GNL1: variants seen among roughly 807,000 people sequenced by gnomAD.
The protein encoded by GNL1 is G protein nucleolar 1.
In GNL1, 21 loss-of-function variants were observed where a neutral mutation model predicts 75.2. The observed-to-expected ratio is 0.28, with a 90% CI of 0.20 to 0.40. The LOEUF is 0.40. Among genes scored for constraint, GNL1 ranks in the 10% least tolerant of loss-of-function variants. The pLI, the probability that GNL1 is intolerant of heterozygous loss-of-function variation, is 1.00. For synonymous variants in GNL1, 287 were observed against 303.4 expected (o/e 0.95, Z 0.56); for missense variants, 579 against 775.0 (o/e 0.75, Z 3.00).
rs1185909827 is a variant in GNL1, at chr6:30,542,973, A to C, written c.*3099T>G. The C allele has an allele frequency of 9.8e-5, 15 of 152,406 alleles. No individual in the cohort carries two copies. Among genetic ancestry groups the C allele is most frequent in the Admixed American group, 2.6e-4 (4 of 15,282 alleles). 9.4% of individuals were successfully genotyped at this position (152,406 alleles called of 1,614,324 possible). A position where few individuals can be genotyped will look rare whatever the true frequency, so the allele number is the denominator to read the frequency against. ...TCTCCTTTGCACCCTCTGCCTCTGA[A>C]CAAGTTACAGTCTTCCAAAGTTGTC... is the stretch of plus-strand genomic sequence containing the variant. On this transcript the variant is annotated 3_prime_UTR_variant, in exon 12 of 12. Transcript: ENST00000376621. The surrounding 1 kb of genome is among the most constrained non-coding windows in gnomAD (Gnocchi z 4.5).
At position 30,555,668 on chromosome 6, in the gene GNL1, C is replaced by A. The variant is rs753172338; in HGVS notation, c.126G>T (p.Glu42Asp). The change falls in exon 2 of 12, where the codon GAG (glutamate) becomes GAT (aspartate). Residue 42 changes from glutamate (E) to aspartate (D), a missense_variant. Physicochemically the swap from Glu to Asp is conservative, Grantham distance 45. Coordinates refer to ENST00000376621, the MANE Select transcript of GNL1 (RefSeq NM_005275.5). This position sits in a 1 kb window ranked among gnomAD's most constrained non-coding sequence, Gnocchi z 4.3. ...AGGTGTCGGTCTGTTCCTCTCGCCG[C>A]TCCCGGCTCCCGCTGCGGCTGTTGG... Reference protein sequence around the residue: ...SSSNSRSGSRERREEQTDTSD... With the variant: ...SSSNSRSGSRDRREEQTDTSD... 1 of 1,613,986 alleles carries A rather than the reference C, an allele frequency of 6.2e-7. No homozygotes were observed. Among genetic ancestry groups the A allele is most frequent in the South Asian group, 1.1e-5 (1 of 91,092 alleles).
intron 8 of GNL1, among the ~76,000 whole-genome samples, chr6:30,551,659 G>A (rs555263189): frequency 2.0e-5 from 3 of 152,274 alleles, no homozygotes; most frequent in African/African-American, 7.2e-5. Flanking sequence ...ACTAATTCTT[G>A]CTGAGCTCCT....
At position 30,556,120 on chromosome 6, in the gene GNL1, C is replaced by G. The variant is rs777389445; in HGVS notation, c.73+11G>C. On this transcript the variant is annotated intron_variant, in intron 1 of 11. Coordinates refer to ENST00000376621, the MANE Select transcript of GNL1 (RefSeq NM_005275.5). The surrounding 1 kb of genome is among the most constrained non-coding windows in gnomAD (Gnocchi z 5.7). The stretch of plus-strand genomic sequence containing the variant: ...CCGAGCCCCGCCCCCTCCTCCCGCT[C>G]CCGCACTGACCTCTCTTCCGCTCCC... 1.9e-6 allele frequency: 3 copies of G among 1,599,572 alleles called. No individual in the cohort carries two copies. The highest frequency in any genetic ancestry group is 2.6e-6 in the Non-Finnish European group (3 of 1,176,158).
Position 30,545,824 on chromosome 6 carries a change from C to G in GNL1, c.*248G>C. 1.9e-6 allele frequency: 1 copy of G among 513,146 alleles called. No homozygotes were observed. The highest frequency in any genetic ancestry group is 3.4e-6 in the Non-Finnish European group (1 of 296,354). The allele number at this position is 513,146 out of a possible 1,614,324, so 31.8% of individuals were successfully genotyped here. A position where few individuals can be genotyped will look rare whatever the true frequency, so the allele number is the denominator to read the frequency against. ...GGGTAGAGGAAGCAGGTTTCAGAGA[C>G]TGAGAACCTACTAAACTCCTAAGAG... On this transcript the variant is annotated 3_prime_UTR_variant, in exon 12 of 12. Coordinates refer to ENST00000376621, the MANE Select transcript of GNL1 (RefSeq NM_005275.5).
At chr6:30,554,702 T>C (rs1800021248) in intron 4 of GNL1, 56 bp from the exon 5 acceptor site, 1 of 1,599,834 alleles carries the variant, frequency 6.3e-7, no homozygotes, top group African/African-American at 1.3e-5. Context: ...TCCAGCCTGA[T>C]CCCAAACCAA....
chr6:30,555,806 T>C lies in GNL1; in HGVS notation c.74-86A>G. 1 of 1,387,412 alleles carries C rather than the reference T, an allele frequency of 7.2e-7. No homozygotes were observed. The highest frequency in any genetic ancestry group is 1.0e-6 in the Non-Finnish European group (1 of 998,834). 85.9% of individuals were successfully genotyped at this position (1,387,412 alleles called of 1,614,324 possible). A position where few individuals can be genotyped will look rare whatever the true frequency, so the allele number is the denominator to read the frequency against. Reference sequence around the variant, plus strand: ...CCCCCATCGGCCTGACTCCCTTTCATCCCACTCAACTTCTTCCGATGTTCA... The same window carrying C: ...CCCCCATCGGCCTGACTCCCTTTCACCCCACTCAACTTCTTCCGATGTTCA... On this transcript the variant is annotated intron_variant, in intron 1 of 11. Coordinates refer to ENST00000376621, the MANE Select transcript of GNL1 (RefSeq NM_005275.5). This position sits in a 1 kb window ranked among gnomAD's most constrained non-coding sequence, Gnocchi z 4.3.
In GNL1 at chr6:30,542,981, C is replaced by CGACA. The variant is rs1377245376; in HGVS notation, c.*3090_*3091insTGTC. 9.8e-5 allele frequency: 15 copies of CGACA among 152,426 alleles called. No individual in the cohort carries two copies. Among genetic ancestry groups the CGACA allele is most frequent in the Admixed American group, 2.6e-4 (4 of 15,300 alleles). The allele number at this position is 152,426 out of a possible 1,614,324, so 9.4% of individuals were successfully genotyped here. A position where few individuals can be genotyped will look rare whatever the true frequency, so the allele number is the denominator to read the frequency against. On this transcript the variant is annotated 3_prime_UTR_variant, in exon 12 of 12. Coordinates refer to ENST00000376621, the MANE Select transcript of GNL1 (RefSeq NM_005275.5). The surrounding 1 kb of genome is among the most constrained non-coding windows in gnomAD (Gnocchi z 4.5). ...GCACCCTCTGCCTCTGAACAAGTTA[C>CGACA]AGTCTTCCAAAGTTGTCATGTTTCT...
Position 30,556,279 on chromosome 6 carries a change from C to T in GNL1, c.-76G>A. 1.3e-6 allele frequency: 2 copies of T among 1,561,544 alleles called. No homozygotes were observed. The highest frequency in any genetic ancestry group is 1.1e-5 in the South Asian group (1 of 89,708). ...ACTGACTGCCCCCCGGGGCAGCCCC[C>T]GCCGCAGGGGCCCGGGACCCTAGAG... On this transcript the variant is annotated 5_prime_UTR_variant, in exon 1 of 12. Transcript: ENST00000376621. The surrounding 1 kb of genome is among the most constrained non-coding windows in gnomAD (Gnocchi z 5.7).
rs1799360978 is a variant in GNL1 at position 30,544,838 on chromosome 6, TG to T, written c.*1233del. ...ATCTGCTTTAGAGAAAAAAGGAGTCTGGTACTTCTCACTCCATCTAGTGGGC... is the reference window on the plus strand; with the variant it reads ...ATCTGCTTTAGAGAAAAAAGGAGTCTGTACTTCTCACTCCATCTAGTGGGC... On this transcript the variant is annotated 3_prime_UTR_variant, in exon 12 of 12. Transcript: ENST00000376621. The T allele has an allele frequency of 6.6e-6, 1 of 152,184 alleles. No individual in the cohort carries two copies. The allele number at this position is 152,184 out of a possible 1,614,324, so 9.4% of individuals were successfully genotyped here. A position where few individuals can be genotyped will look rare whatever the true frequency, so the allele number is the denominator to read the frequency against.
chr6:30,556,064 G>A lies in GNL1; in HGVS notation c.73+67C>T. 1 of 1,566,204 alleles carries A rather than the reference G, an allele frequency of 6.4e-7. No individual in the cohort carries two copies. Among genetic ancestry groups the A allele is most frequent in the East Asian group, 2.2e-5 (1 of 44,686 alleles). On this transcript the variant is annotated intron_variant, in intron 1 of 11. Transcript: ENST00000376621. The surrounding 1 kb of genome is among the most constrained non-coding windows in gnomAD (Gnocchi z 5.7). ...TCCCACGATCCCCAGAGGTGCAGCG[G>A]GCACACCCCTCCTTCCAGATGTGCG...
Position 30,556,267 on chromosome 6 carries a change from C to G in GNL1, c.-64G>C. 1.2e-5 allele frequency: 18 copies of G among 1,535,178 alleles called. No individual in the cohort carries two copies. The highest frequency in any genetic ancestry group is 3.5e-5 in the South Asian group (3 of 84,772). On this transcript the variant is annotated 5_prime_UTR_variant, in exon 1 of 12. Transcript: ENST00000376621. The surrounding 1 kb of genome is among the most constrained non-coding windows in gnomAD (Gnocchi z 5.7). The stretch of plus-strand genomic sequence containing the variant: ...CCCGCCGCCTCAACTGACTGCCCCC[C>G]GGGGCAGCCCCCGCCGCAGGGGCCC...
Position 30,554,604 on chromosome 6 carries a change from C to A in GNL1, c.571G>T (p.Val191Phe), listed in dbSNP as rs754395828. The change falls in exon 5 of 12, where the codon GTC (valine) becomes TTC (phenylalanine). Residue 191 changes from valine (V) to phenylalanine (F), a missense_variant. By Grantham distance (50) the Val-to-Phe change is conservative. Coordinates refer to ENST00000376621, the MANE Select transcript of GNL1 (RefSeq NM_005275.5). ...TGTCGGATATCAGTGATAAGCAGGA[C>A]GATGTCAGACATCTCTAACACCCGC... ...LWRVLEMSDIVLLITDIRHPV... is the reference protein window; with the variant it reads ...LWRVLEMSDIFLLITDIRHPV... 5 of 1,603,810 alleles carry A rather than the reference C, an allele frequency of 3.1e-6. No individual in the cohort carries two copies. The highest frequency in any genetic ancestry group is 4.3e-6 in the Non-Finnish European group (5 of 1,171,646).
Position 30,543,939 on chromosome 6 carries a change from C to A in GNL1, c.*2133G>T, listed in dbSNP as rs1179288286. On this transcript the variant is annotated 3_prime_UTR_variant, in exon 12 of 12. Transcript: ENST00000376621. ...CTATGGAAGCCACCAGAGCCCCAGA[C>A]CTCCATGGTCAAGTATTCACATAGT... 1 of 152,188 alleles carries A rather than the reference C, an allele frequency of 6.6e-6. No individual in the cohort carries two copies. Among genetic ancestry groups the A allele is most frequent in the Non-Finnish European group, 1.5e-5 (1 of 68,032 alleles). 9.4% of individuals were successfully genotyped at this position (152,188 alleles called of 1,614,324 possible).
In GNL1 at chr6:30,547,416, G is replaced by A. The variant is rs147634437; in HGVS notation, c.1214C>T (p.Pro405Leu). 6 of 1,613,904 alleles carry A rather than the reference G, an allele frequency of 3.7e-6. No individual in the cohort carries two copies. The highest frequency in any genetic ancestry group is 1.3e-5 in the African/African-American group (1 of 74,914). ...TGGGCAGTCACAGAGCTTCACAGAG[G>A]GGGTAAGAAAGTAGGTCTGAAAGTA... ...TRYFQTYFLT[P>L]SVKLCDCPGL... The change falls in exon 9 of 12, where the codon CCC (proline) becomes CTC (leucine). Residue 405 changes from proline (P) to leucine (L), a missense_variant. Physicochemically the swap from Pro to Leu is moderately conservative, Grantham distance 98 (BLOSUM62 -3). Transcript: ENST00000376621. The surrounding 1 kb of genome is among the most constrained non-coding windows in gnomAD (Gnocchi z 5.5).
Position 30,555,958 on chromosome 6 carries a change from C to T in GNL1, c.73+173G>A. ...TCCCCTCCCCCAACTCTCCATCCTTCCCCACCCCTTCCAGATGTAGGGGGG... is the reference window on the plus strand; with the variant it reads ...TCCCCTCCCCCAACTCTCCATCCTTTCCCACCCCTTCCAGATGTAGGGGGG... On this transcript the variant is annotated intron_variant, in intron 1 of 11. Coordinates refer to ENST00000376621, the MANE Select transcript of GNL1 (RefSeq NM_005275.5). This position sits in a 1 kb window ranked among gnomAD's most constrained non-coding sequence, Gnocchi z 4.3. The T allele has an allele frequency of 3.4e-6, 3 of 888,050 alleles. No individual in the cohort carries two copies. The highest frequency in any genetic ancestry group is 4.6e-4 in the Middle Eastern group (2 of 4,380). The allele number at this position is 888,050 out of a possible 1,614,324, so 55.0% of individuals were successfully genotyped here.
rs1372850110 is a variant in GNL1 at position 30,543,192 on chromosome 6, G to A, written c.*2880C>T. Reference sequence around the variant, plus strand: ...TTACCACAGACTACTGATTTTTTGTGTTTGTTTTGTTTTGGCAGTCTGACA... The same window carrying A: ...TTACCACAGACTACTGATTTTTTGTATTTGTTTTGTTTTGGCAGTCTGACA... On this transcript the variant is annotated 3_prime_UTR_variant, in exon 12 of 12. Coordinates refer to ENST00000376621, the MANE Select transcript of GNL1 (RefSeq NM_005275.5). 6.6e-6 allele frequency: 1 copy of A among 152,102 alleles called. No homozygotes were observed. The highest frequency in any genetic ancestry group is 1.5e-5 in the Non-Finnish European group (1 of 68,036). The allele number at this position is 152,102 out of a possible 1,614,324, so 9.4% of individuals were successfully genotyped here. A position where few individuals can be genotyped will look rare whatever the true frequency, so the allele number is the denominator to read the frequency against.
chr6:30,547,710 T>C lies in GNL1; in HGVS notation c.1100-180A>G. 3.4e-6 allele frequency: 2 copies of C among 595,132 alleles called. No homozygotes were observed. Among genetic ancestry groups the C allele is most frequent in the Non-Finnish European group, 5.8e-6 (2 of 344,036 alleles). The allele number at this position is 595,132 out of a possible 1,614,324, so 36.9% of individuals were successfully genotyped here. ...CTGGCCCTTCCACTTACCAGCTTTG[T>C]GATGTCAGGGCAACTAACTTTCTGA... is the stretch of plus-strand genomic sequence containing the variant. On this transcript the variant is annotated intron_variant, in intron 8 of 11. Coordinates refer to ENST00000376621, the MANE Select transcript of GNL1 (RefSeq NM_005275.5). The surrounding 1 kb of genome is among the most constrained non-coding windows in gnomAD (Gnocchi z 5.5).
chr6:30,546,666 G>A lies in GNL1; in HGVS notation c.1582+30C>T. The A allele has an allele frequency of 1.3e-6, 2 of 1,571,248 alleles. No homozygotes were observed. The highest frequency in any genetic ancestry group is 1.7e-6 in the Non-Finnish European group (2 of 1,150,198). ...CACCCTTTTACCTACGCTATAGCAG[G>A]GGGCTGGGGAAGAATATCTGGGCTC... On this transcript the variant is annotated intron_variant, in intron 11 of 11. Transcript: ENST00000376621. The surrounding 1 kb of genome is among the most constrained non-coding windows in gnomAD (Gnocchi z 5.1).
Position 30,546,312 on chromosome 6 carries a change from G to T in GNL1, c.1584C>A (p.Gly528=), listed in dbSNP as rs1336552991. The change falls in exon 12 of 12, where the codon GGC becomes GGA. Residue 528 remains glycine, a splice_region_variant and synonymous_variant. Coordinates refer to ENST00000376621, the MANE Select transcript of GNL1 (RefSeq NM_005275.5). The surrounding 1 kb of genome is among the most constrained non-coding windows in gnomAD (Gnocchi z 5.1). ...FHPPGYSEQK[G]TWESHPETTE... ...TGGTCTCTGGATGGGACTCCCAGGT[G>T]CCTGGGGAACCAAAACAAGAAAAAA... 1.9e-6 allele frequency: 3 copies of T among 1,588,928 alleles called. No homozygotes were observed. Among genetic ancestry groups the T allele is most frequent in the East Asian group, 2.3e-5 (1 of 44,124 alleles).
Sources: allele counts gnomAD v4.1 joint callset (sites outside exome capture counted in the v4.1 genomes callset), GRCh38; gene constraint gnomAD v4.1.1; non-coding constraint Gnocchi (gnomAD v3.1); transcripts MANE v1.5; gene names NCBI Gene and HGNC (gene_info 2026-07-23, HGNC 2026-07-21).